Variants in CFAP20DC observed in about 807,000 individuals in gnomAD.
CFAP20DC encodes the protein protein CFAP20DC.
In CFAP20DC, 84 loss-of-function variants were observed where a neutral mutation model predicts 101.7. The observed-to-expected ratio is 0.83, with a 90% confidence interval of 0.69 to 0.99. The LOEUF (loss-of-function observed/expected upper bound fraction) is 0.99. Among genes scored for constraint, CFAP20DC ranks in the 50% least tolerant of loss-of-function variants. The probability of loss-of-function intolerance (pLI) is 0.00; values close to 1 mark genes in which losing one functional copy is unlikely to be tolerated. For synonymous variants in CFAP20DC, 359 were observed against 351.2 expected (o/e 1.02, Z -0.25); for missense variants, 1,007 against 970.3 (o/e 1.04, Z -0.50).
intron 15 of CFAP20DC, among the ~76,000 whole-genome samples, chr3:58,770,775 TTGAGAAA>T (rs1459544022): frequency 6.6e-6 from 1 of 152,168 alleles, no homozygotes; most frequent in African/African-American, 2.4e-5. Context: ...GGATTTGCAT[TTGAGAAA>T]GCTCACAGTG....
intron 4 of CFAP20DC, among the ~76,000 whole-genome samples, chr3:58,947,404 C>G (rs1172559400): frequency 6.6e-6 from 1 of 152,162 alleles, no homozygotes; most frequent in Admixed American, 6.5e-5. Flanking sequence ...CTTATGGGGG[C>G]ATCGCTCCCC....
intron 4 of CFAP20DC, among the ~76,000 whole-genome samples, chr3:58,939,305 T>C (rs2088165787): frequency 1.3e-5 from 2 of 152,052 alleles, no homozygotes. Flanking sequence ...TTCTGTAAGT[T>C]CTCATTAGGA....
chr3:58,779,432 G>C (rs532396330), intron 15 of CFAP20DC, among the ~76,000 whole-genome samples: 1 of 152,210 alleles, frequency 6.6e-6, no homozygotes, highest in African/African-American at 2.4e-5. Context: ...TCACTGTAAT[G>C]ATAAAATGAT....
At chr3:58,816,002 A>G (rs1281247758) in intron 14 of CFAP20DC, among the ~76,000 whole-genome samples, 4 of 151,832 alleles carry the variant, frequency 2.6e-5, no homozygotes, top group African/African-American at 9.7e-5. Flanking sequence ...CAGCCATCCC[A>G]TTACTGGGTA....
intron 3 of CFAP20DC, among the ~76,000 whole-genome samples, chr3:58,731,986 A>G (rs2067654602): frequency 6.6e-6 from 1 of 152,194 alleles, no homozygotes; most frequent in Admixed American, 6.5e-5. Flanking sequence ...TCAGTTTCTT[A>G]ATTTGTAAAG....
chr3:58,750,914 G>C (rs1051823732), intron 16 of CFAP20DC, among the ~76,000 whole-genome samples: 2 of 152,082 alleles, frequency 1.3e-5, no homozygotes, highest in East Asian at 1.9e-4. Flanking sequence ...AAATATATGG[G>C]TCAAAGTTCA....
intron 14 of CFAP20DC, among the ~76,000 whole-genome samples, chr3:58,823,883 C>T (rs1158491337): frequency 6.6e-6 from 1 of 152,044 alleles, no homozygotes; most frequent in African/African-American, 2.4e-5. Context: ...TATGTATTTA[C>T]AATTTAAAAA....
chr3:58,768,601 A>G (rs1399607825), intron 15 of CFAP20DC, among the ~76,000 whole-genome samples: 1 of 152,182 alleles, frequency 6.6e-6, no homozygotes, highest in African/African-American at 2.4e-5. Flanking sequence ...CCTCTAGCCA[A>G]TCTGGTCTCT....
At chr3:58,905,617 T>C (rs1334433027) in intron 6 of CFAP20DC, among the ~76,000 whole-genome samples, 2 of 152,208 alleles carry the variant, frequency 1.3e-5, no homozygotes, top group Non-Finnish European at 2.9e-5. Flanking sequence ...ATCTCCTAGC[T>C]TGGGTGAGTT....
chr3:58,997,900 C>A (rs2093187551), intron 4 of CFAP20DC, among the ~76,000 whole-genome samples: 1 of 152,012 alleles, frequency 6.6e-6, no homozygotes, highest in African/African-American at 2.4e-5. Context: ...GGGGGTCCAG[C>A]AAAGAATTAG....
At chr3:58,741,165 T>C (rs113401469), downstream of CFAP20DC, among the ~76,000 whole-genome samples, 1 of 152,218 alleles carries the variant, frequency 6.6e-6, no homozygotes, top group African/African-American at 2.4e-5. Context: ...CCAATGGTAC[T>C]CTTCTTTATT....
chr3:58,739,913 A>C (rs58865099), downstream of CFAP20DC, among the ~76,000 whole-genome samples: 368 of 152,316 alleles, frequency 2.4e-3, 4 homozygotes, highest in African/African-American at 8.2e-3. Context: ...GGGGATAATA[A>C]GACCTTGTGG....
intron 14 of CFAP20DC, among the ~76,000 whole-genome samples, chr3:58,816,032 A>G (rs531484109): frequency 4.6e-4 from 70 of 151,980 alleles, no homozygotes; most frequent in African/African-American, 1.5e-3. Context: ...AGGACTATAA[A>G]TCATGCTGCT....
At chr3:58,844,550 C>G (rs1458018022) in intron 13 of CFAP20DC, among the ~76,000 whole-genome samples, 1 of 135,292 alleles carries the variant, frequency 7.4e-6, no homozygotes, top group Admixed American at 7.1e-5. Flanking sequence ...TAGACTCCCA[C>G]ACATTAATAA....
chr3:59,021,464 T>A (rs2093801356), intron 4 of CFAP20DC, among the ~76,000 whole-genome samples: 1 of 151,968 alleles, frequency 6.6e-6, no homozygotes, highest in South Asian at 2.1e-4. Flanking sequence ...TAAAGAGCAG[T>A]GGAGTGGGTG....
intron 15 of CFAP20DC, among the ~76,000 whole-genome samples, chr3:58,774,307 T>C (rs1201527836): frequency 1.3e-5 from 2 of 152,208 alleles, no homozygotes; most frequent in African/African-American, 4.8e-5. Context: ...GTAGTGCCAC[T>C]AGCTAGAGCT....
chr3:58,820,516 C>A (rs564605460), intron 14 of CFAP20DC, among the ~76,000 whole-genome samples: 200 of 150,352 alleles, frequency 1.3e-3, no homozygotes, highest in African/African-American at 4.6e-3. Context: ...AACAGAGAGC[C>A]AAATCATGAG....
intron 4 of CFAP20DC, among the ~76,000 whole-genome samples, chr3:59,038,769 GA>G (rs1232044409): frequency 6.6e-6 from 1 of 151,554 alleles, no homozygotes; most frequent in Non-Finnish European, 1.5e-5. Flanking sequence ...TGGCTTCACT[GA>G]AAAAAAATCA....
At chr3:59,035,623 A>G (rs9871614) in intron 4 of CFAP20DC, among the ~76,000 whole-genome samples, 48 of 152,342 alleles carry the variant, frequency 3.2e-4, no homozygotes, top group African/African-American at 1.1e-3. Context: ...CTGGACACAT[A>G]TAACCTCCCA....
Sources: allele counts gnomAD v4.1 joint callset (sites outside exome capture counted in the v4.1 genomes callset), GRCh38; gene constraint gnomAD v4.1.1; transcripts MANE v1.5; gene names NCBI Gene and HGNC (gene_info 2026-07-23, HGNC 2026-07-21).